The following SLC39A11 variants were observed in gnomAD, a reference collection of about 807,000 sequenced individuals.
SLC39A11 encodes the protein zinc transporter ZIP11.
A neutral mutation model predicts 36.1 loss-of-function variants in SLC39A11; 33 were observed. That is an observed-to-expected ratio of 0.91 (90% CI 0.69 to 1.22). The LOEUF (loss-of-function observed/expected upper bound fraction) is 1.22. SLC39A11 is among the 50% of genes most tolerant of loss of function. The probability of loss-of-function intolerance (pLI) is 0.00; values close to 1 mark genes in which losing one functional copy is unlikely to be tolerated. For missense variants in SLC39A11, 432 were observed against 430.3 expected (o/e 1.00, Z -0.03); for synonymous variants, 166 against 170.3 (o/e 0.97, Z 0.20).
chr17:72,896,043 G>C (rs1171287585), intron 5 of SLC39A11, among the ~76,000 whole-genome samples: 1 of 151,732 alleles, frequency 6.6e-6, no homozygotes, highest in Non-Finnish European at 1.5e-5. Flanking sequence ...ATAGTCTTCA[G>C]GGAATTTAAG....
chr17:73,024,393 G>T (rs547607176), intron 4 of SLC39A11, among the ~76,000 whole-genome samples: 1 of 151,928 alleles, frequency 6.6e-6, no homozygotes, highest in Non-Finnish European at 1.5e-5. Flanking sequence ...GAAACGAGTC[G>T]GGCTTACTTG....
chr17:72,792,112 A>C (rs1184612592), intron 6 of SLC39A11, among the ~76,000 whole-genome samples: 1 of 152,210 alleles, frequency 6.6e-6, no homozygotes, highest in African/African-American at 2.4e-5. Context: ...CACCTTAAAT[A>C]GTATGAAAAT....
intron 6 of SLC39A11, among the ~76,000 whole-genome samples, chr17:72,814,697 C>A (rs923438443): frequency 3.9e-5 from 6 of 152,222 alleles, no homozygotes; most frequent in African/African-American, 7.2e-5. Flanking sequence ...CCTGCAAGGA[C>A]AAACTGATTC....
At chr17:72,915,456 G>A (rs552682459) in intron 5 of SLC39A11, among the ~76,000 whole-genome samples, 33 of 152,302 alleles carry the variant, frequency 2.2e-4, no homozygotes, top group African/African-American at 7.9e-4. Flanking sequence ...GCTTCCTGGT[G>A]CTTTCCTGTG....
intron 5 of SLC39A11, among the ~76,000 whole-genome samples, chr17:72,857,764 G>T (rs538312938): frequency 6.6e-6 from 1 of 152,184 alleles, no homozygotes; most frequent in African/African-American, 2.4e-5. Flanking sequence ...TCATATGCTT[G>T]TTGGCCACAT....
At chr17:73,026,565 A>G in intron 4 of SLC39A11, among the ~76,000 whole-genome samples, 1 of 151,620 alleles carries the variant, frequency 6.6e-6, no homozygotes, top group East Asian at 1.9e-4. Context: ...AAGACAAAAG[A>G]AAAGAAGAGA....
At chr17:72,896,484 G>T (rs576018579) in intron 5 of SLC39A11, among the ~76,000 whole-genome samples, 1 of 152,120 alleles carries the variant, frequency 6.6e-6, no homozygotes, top group South Asian at 2.1e-4. Context: ...TTACAGGCAT[G>T]AGTCACTGCA....
At chr17:72,776,306 C>G (rs2076128364) in intron 6 of SLC39A11, among the ~76,000 whole-genome samples, 2 of 152,196 alleles carry the variant, frequency 1.3e-5, no homozygotes, top group Admixed American at 6.5e-5. Context: ...AAGCACTGAA[C>G]AAAACCAGAA....
intron 6 of SLC39A11, among the ~76,000 whole-genome samples, chr17:72,828,427 T>G (rs1413410924): frequency 6.6e-6 from 1 of 152,084 alleles, no homozygotes; most frequent in East Asian, 1.9e-4. Context: ...GGCGAAGAAA[T>G]TGATTCTCTC....
rs574336449 is a variant in SLC39A11, at chr17:72,664,936, G to A, written c.672-15668C>T. 6.8e-4 allele frequency among the ~76,000 whole-genome samples: 104 copies of A among 152,226 alleles called. No homozygotes were observed. The Middle Eastern group carries it at 0.017, about 25-fold the overall frequency. On this transcript the variant is annotated intron_variant, in intron 7 of 9. Coordinates refer to ENST00000255559, the MANE Select transcript of SLC39A11 (RefSeq NM_139177.4). Reference sequence around the variant, plus strand: ...CCTTGCTGTTCCTCCAGAATGCCTGGTTACTTCTACCTTGGGGCATTTTCA... The same window carrying A: ...CCTTGCTGTTCCTCCAGAATGCCTGATTACTTCTACCTTGGGGCATTTTCA...
intron 6 of SLC39A11, among the ~76,000 whole-genome samples, chr17:72,769,097 T>C (rs2075847600): frequency 6.6e-6 from 1 of 151,984 alleles, no homozygotes; most frequent in Admixed American, 6.6e-5. Context: ...ACAAACGACT[T>C]CCCCCAGGCC....
intron 3 of SLC39A11, among the ~76,000 whole-genome samples, chr17:73,054,724 C>A (rs903641480): frequency 1.7e-4 from 26 of 150,414 alleles, no homozygotes; most frequent in African/African-American, 5.9e-4. Flanking sequence ...AAGAGAATCG[C>A]TTGAACCTGA....
intron 4 of SLC39A11, among the ~76,000 whole-genome samples, chr17:73,017,669 C>G (rs7213781): frequency 6.6e-6 from 1 of 151,998 alleles, no homozygotes; most frequent in East Asian, 1.9e-4. Context: ...GCTAAGATCA[C>G]GCCACTGCAC....
intron 6 of SLC39A11, among the ~76,000 whole-genome samples, chr17:72,744,061 C>G (rs2074828920): frequency 6.6e-6 from 1 of 152,252 alleles, no homozygotes; most frequent in African/African-American, 2.4e-5. Context: ...CCTTGCAACT[C>G]CATCCCTCCA....
chr17:73,032,437 A>C (rs8075590), intron 3 of SLC39A11, among the ~76,000 whole-genome samples: 67 of 152,226 alleles, frequency 4.4e-4, no homozygotes, highest in Admixed American at 7.2e-4. Flanking sequence ...AAACTCTTGA[A>C]CTCAGGTGAC....
chr17:72,649,945 G>A (rs891284598), intron 7 of SLC39A11, among the ~76,000 whole-genome samples: 5 of 152,220 alleles, frequency 3.3e-5, no homozygotes, highest in African/African-American at 1.2e-4. Flanking sequence ...TACCATAAAG[G>A]ATTGCTGAGT....
intron 5 of SLC39A11, among the ~76,000 whole-genome samples, chr17:72,878,844 G>T (rs1268912871): frequency 6.6e-6 from 1 of 152,204 alleles, no homozygotes; most frequent in Admixed American, 6.5e-5. Flanking sequence ...TGAAGGCTCA[G>T]TCCCAAAAGA....
At chr17:73,069,442 A>G (rs531269626) in intron 3 of SLC39A11, among the ~76,000 whole-genome samples, 4 of 152,300 alleles carry the variant, frequency 2.6e-5, no homozygotes, top group East Asian at 3.9e-4. Context: ...CCTGAAGACA[A>G]TTCTCTCCCT....
chr17:72,864,310 T>G (rs1032902589), intron 5 of SLC39A11, among the ~76,000 whole-genome samples: 1 of 114,760 alleles, frequency 8.7e-6, no homozygotes, highest in Admixed American at 8.8e-5. Flanking sequence ...AAGCATCGGC[T>G]TTTTTTTTTT....
Sources: gnomAD v4.1 joint callset for allele counts (sites outside exome capture counted in the v4.1 genomes callset) on GRCh38, gnomAD v4.1.1 for gene constraint, MANE v1.5 for transcripts, NCBI Gene and HGNC (gene_info 2026-07-23, HGNC 2026-07-21) for gene names.